The following SLC24A2 variants were observed in gnomAD, a reference collection of about 807,000 sequenced individuals.
The protein encoded by SLC24A2 is solute carrier family 24 member 2, also known as sodium/potassium/calcium exchanger 2.
Under a neutral mutation model 62.0 loss-of-function variants are expected in SLC24A2, and 36 were observed. The ratio of observed to expected loss-of-function variants is 0.58; its 90% CI spans 0.44 to 0.77. The LOEUF is 0.77. Among genes scored for constraint, SLC24A2 ranks in the 30% least tolerant of loss-of-function variants. SLC24A2 has a pLI of 0.00. For missense variants in SLC24A2, 846 were observed against 817.9 expected, an observed-to-expected ratio of 1.03 and a Z score of -0.42; for synonymous variants, 358 against 294.0, an observed-to-expected ratio of 1.22 and a Z score of -2.23.
intron 7 of SLC24A2, among the ~76,000 whole-genome samples, chr9:19,554,944 C>T (rs1414583184): frequency 6.6e-6 from 1 of 152,136 alleles, no homozygotes; most frequent in East Asian, 1.9e-4. Flanking sequence ...GCTGAGCAGC[C>T]TGGGATCACT....
chr9:19,684,654 A>C (rs1231726902), intron 2 of SLC24A2, among the ~76,000 whole-genome samples: 1 of 152,100 alleles, frequency 6.6e-6, no homozygotes, highest in Non-Finnish European at 1.5e-5. Flanking sequence ...TGGGTCTTTC[A>C]TTACGAAAGA....
chr9:19,841,345 G>A, the SLC24A2 span, among the ~76,000 whole-genome samples: 4 of 152,110 alleles, frequency 2.6e-5, no homozygotes, highest in African/African-American at 9.7e-5. Flanking sequence ...TGGCATTTGG[G>A]CAAAGACCTG....
At chr9:20,168,728 G>A in the SLC24A2 span, among the ~76,000 whole-genome samples, 1 of 151,982 alleles carries the variant, frequency 6.6e-6, no homozygotes, top group Non-Finnish European at 1.5e-5. Flanking sequence ...GAATGTAGAG[G>A]AATTGAAGCC....
chr9:19,545,350 G>C (rs933973433), intron 8 of SLC24A2, among the ~76,000 whole-genome samples: 2 of 151,970 alleles, frequency 1.3e-5, no homozygotes, highest in Non-Finnish European at 2.9e-5. Flanking sequence ...AAGGTTCTTA[G>C]CTTCCTTGCA....
At chr9:19,915,338 T>G in the SLC24A2 span, among the ~76,000 whole-genome samples, 3 of 152,182 alleles carry the variant, frequency 2.0e-5, no homozygotes, top group Non-Finnish European at 4.4e-5. Flanking sequence ...CATCAATTGA[T>G]AGACATTTGG....
At chr9:19,721,110 G>T (rs541018034) in intron 2 of SLC24A2, among the ~76,000 whole-genome samples, 13 of 152,092 alleles carry the variant, frequency 8.5e-5, no homozygotes, top group Admixed American at 5.9e-4. Flanking sequence ...AATCACTGTT[G>T]TTCAAAGTAA....
intron 7 of SLC24A2, among the ~76,000 whole-genome samples, chr9:19,555,475 T>C (rs1835040423): frequency 6.6e-6 from 1 of 152,258 alleles, no homozygotes; most frequent in Admixed American, 6.5e-5. Flanking sequence ...GTCTTAGTAC[T>C]GTCATTTCTC....
the SLC24A2 span, among the ~76,000 whole-genome samples, chr9:20,060,438 GGATT>G: frequency 6.6e-6 from 1 of 151,926 alleles, no homozygotes; most frequent in African/African-American, 2.4e-5. Flanking sequence ...CATATAAAAA[GGATT>G]ATTATTAACA....
intron 4 of SLC24A2, among the ~76,000 whole-genome samples, chr9:19,615,828 A>G (rs1817753229): frequency 4.6e-5 from 7 of 152,134 alleles, no homozygotes; most frequent in Admixed American, 3.9e-4. Flanking sequence ...CTCTGAGACA[A>G]CCTAGATTCA....
chr9:20,293,059 CT>C, the SLC24A2 span, among the ~76,000 whole-genome samples: 1 of 152,212 alleles, frequency 6.6e-6, no homozygotes, highest in African/African-American at 2.4e-5. Context: ...CAATCTCTGC[CT>C]TGATCTTCAC....
the SLC24A2 span, among the ~76,000 whole-genome samples, chr9:20,210,846 C>T: frequency 2.0e-5 from 3 of 151,040 alleles, no homozygotes; most frequent in Non-Finnish European, 2.9e-5. Context: ...AGGGATGGGG[C>T]TTGTAAGCAA....
intron 5 of SLC24A2, among the ~76,000 whole-genome samples, chr9:19,587,348 T>C (rs1289224391): frequency 1.3e-5 from 2 of 152,248 alleles, no homozygotes; most frequent in African/African-American, 4.8e-5. Context: ...TAGTTGCCCC[T>C]ATTTTGTGAA....
the SLC24A2 span, among the ~76,000 whole-genome samples, chr9:20,284,888 G>C: frequency 6.6e-6 from 1 of 152,156 alleles, no homozygotes; most frequent in Admixed American, 6.5e-5. Flanking sequence ...TTCAGCTTCT[G>C]TAAATGCCTT....
chr9:20,048,893 C>T, the SLC24A2 span, among the ~76,000 whole-genome samples: 63 of 151,450 alleles, frequency 4.2e-4, no homozygotes, highest in African/African-American at 1.3e-3. Context: ...TTCTTCTTTC[C>T]GCTTTTTTTC....
chr9:19,625,493 A>G (rs1254317029), intron 2 of SLC24A2, among the ~76,000 whole-genome samples: 2 of 152,112 alleles, frequency 1.3e-5, no homozygotes, highest in African/African-American at 2.4e-5. Flanking sequence ...CACCATTTAT[A>G]ACAGCAAGAC....
intron 2 of SLC24A2, among the ~76,000 whole-genome samples, chr9:19,635,392 G>A (rs1186003226): frequency 6.6e-6 from 1 of 152,164 alleles, no homozygotes; most frequent in East Asian, 1.9e-4. Context: ...TTTTGTAGCA[G>A]GTCCCATAGT....
chr9:20,246,334 C>G, the SLC24A2 span, among the ~76,000 whole-genome samples: 1 of 152,146 alleles, frequency 6.6e-6, no homozygotes, highest in African/African-American at 2.4e-5. Flanking sequence ...CACAGCTGAA[C>G]ACATACTCTC....
At chr9:20,239,551 A>G in the SLC24A2 span, among the ~76,000 whole-genome samples, 33 of 152,142 alleles carry the variant, frequency 2.2e-4, no homozygotes, top group African/African-American at 8.0e-4. Context: ...CTTAGGCTTG[A>G]GGCCTAGGAA....
chr9:19,545,145 A>C (rs998272810), intron 8 of SLC24A2, among the ~76,000 whole-genome samples: 2 of 151,662 alleles, frequency 1.3e-5, no homozygotes, highest in African/African-American at 4.8e-5. Flanking sequence ...TTTTTTCTCT[A>C]ATCTTGTCTT....
Sources: gnomAD v4.1 joint callset for allele counts (sites outside exome capture counted in the v4.1 genomes callset) on GRCh38, gnomAD v4.1.1 for gene constraint, MANE v1.5 for transcripts, NCBI Gene and HGNC (gene_info 2026-07-23, HGNC 2026-07-21) for gene names.